GFRAL: variants seen among roughly 807,000 people sequenced by gnomAD.
The protein encoded by GFRAL is GDNF family receptor alpha-like.
GFRAL carries 36 observed loss-of-function variants against 45.4 expected under a neutral mutation model. That is an observed-to-expected ratio of 0.79 (90% CI 0.61 to 1.05). The LOEUF is 1.05. Ranked by LOEUF, GFRAL falls within the 50% of genes least tolerant of loss-of-function variation. GFRAL has a pLI of 0.00. For synonymous variants in GFRAL, 166 were observed against 154.1 expected, an observed-to-expected ratio of 1.08 and a Z score of -0.57; for missense variants, 507 against 467.5, an observed-to-expected ratio of 1.08 and a Z score of -0.78.
rs181371748 is a variant in GFRAL at position 55,340,151 on chromosome 6, T to C, written c.316+6207T>C. ...CAAAGAATTATAAAGAAATTGATAA[T>C]TTAAATATGAGAAAGAACATGATAA... On this transcript the variant is annotated intron_variant, in intron 3 of 8. Transcript: ENST00000340465. 2.2e-4 allele frequency among the ~76,000 whole-genome samples: 34 copies of C among 152,294 alleles called. 1 individual carries two copies. In the East Asian group the frequency reaches 5.6e-3, roughly 25 times the overall value.
chr6:55,384,674 G>T (rs1490661708), intron 6 of GFRAL, among the ~76,000 whole-genome samples: 1 of 151,980 alleles, frequency 6.6e-6, no homozygotes, highest in Non-Finnish European at 1.5e-5. Flanking sequence ...GAGATCAGCT[G>T]GATAAGGTTA....
intron 6 of GFRAL, among the ~76,000 whole-genome samples, chr6:55,370,851 T>C (rs1768441151): frequency 1.3e-5 from 2 of 152,204 alleles, no homozygotes; most frequent in Admixed American, 1.3e-4. Flanking sequence ...GTTTTTGAAA[T>C]TCAATGAAAT....
rs1768905204 is a variant in GFRAL, at chr6:55,401,944, C to T, written c.*91C>T. On this transcript the variant is annotated 3_prime_UTR_variant, in exon 9 of 9. Transcript: ENST00000340465. ...TCTCTCCTCTCCTCTCCTCTCTTCT[C>T]CTCTCCTCCCCTCCCCTCTCTGTTT... The T allele has an allele frequency of 1.4e-6, 1 of 702,896 alleles. No homozygotes were observed. The allele number at this position is 702,896 out of a possible 1,614,324, so 43.5% of individuals were successfully genotyped here. A position where few individuals can be genotyped will look rare whatever the true frequency, so the allele number is the denominator to read the frequency against.
At chr6:55,332,963 C>T (rs1177043476) in intron 2 of GFRAL, among the ~76,000 whole-genome samples, 1 of 151,904 alleles carries the variant, frequency 6.6e-6, no homozygotes, top group Non-Finnish European at 1.5e-5. Flanking sequence ...ACAGTATAAT[C>T]TATCTACAGT....
In GFRAL at chr6:55,358,982, G is replaced by A. The variant is rs1267238979; in HGVS notation, c.796G>A (p.Asp266Asn). 4 of 1,613,100 alleles carry A rather than the reference G, an allele frequency of 2.5e-6. No homozygotes were observed. The highest frequency in any genetic ancestry group is 3.4e-6 in the Non-Finnish European group (4 of 1,179,410). ...ENCISTLSKQ[D>N]LTCSGSDDCK... Reference sequence around the variant, plus strand: ...TTGCATTAGCACCTTAAGCAAACAGGACCTCACTTGTTCAGGAAGTGATGA... The same window carrying A: ...TTGCATTAGCACCTTAAGCAAACAGAACCTCACTTGTTCAGGAAGTGATGA... The change falls in exon 6 of 9, where the codon GAC becomes AAC. Residue 266 changes from aspartate (D) to asparagine (N), a missense_variant. By Grantham distance (23) the Asp-to-Asn change is conservative. Coordinates refer to ENST00000340465, the MANE Select transcript of GFRAL (RefSeq NM_207410.2).
intron 6 of GFRAL, among the ~76,000 whole-genome samples, chr6:55,370,873 C>T (rs1356742803): frequency 6.6e-6 from 1 of 152,166 alleles, no homozygotes; most frequent in African/African-American, 2.4e-5. Context: ...ATAAAGCACA[C>T]AAGAGGTGGC....
intron 3 of GFRAL, 148 bp from the exon 4 acceptor site, chr6:55,349,944 T>C: frequency 1.6e-6 from 1 of 638,810 alleles, no homozygotes; most frequent in Non-Finnish European, 2.8e-6. Context: ...ATTTTGAATA[T>C]CAAGGGCTAA....
intron 3 of GFRAL, among the ~76,000 whole-genome samples, chr6:55,347,508 A>T (rs1212465845): frequency 6.6e-6 from 1 of 152,134 alleles, no homozygotes; most frequent in East Asian, 1.9e-4. Flanking sequence ...GTCGATGCTG[A>T]ATATCAGGGC....
intron 6 of GFRAL, among the ~76,000 whole-genome samples, chr6:55,396,641 G>C (rs1768828981): frequency 6.6e-6 from 1 of 151,480 alleles, no homozygotes; most frequent in Non-Finnish European, 1.5e-5. Context: ...CAATTTTATT[G>C]TGATCATTTA....
intron 6 of GFRAL, among the ~76,000 whole-genome samples, chr6:55,371,092 TC>T (rs1407110626): frequency 5.3e-5 from 8 of 152,198 alleles, no homozygotes; most frequent in Admixed American, 3.9e-4. Flanking sequence ...TATATTTTTT[TC>T]TTTCCTGTCT....
At chr6:55,385,458 G>T (rs1447301776) in intron 6 of GFRAL, among the ~76,000 whole-genome samples, 1 of 151,954 alleles carries the variant, frequency 6.6e-6, no homozygotes, top group Non-Finnish European at 1.5e-5. Context: ...ATTTTATGTG[G>T]CTTAACTAAT....
chr6:55,385,401 G>A (rs1010098513), intron 6 of GFRAL, among the ~76,000 whole-genome samples: 2 of 152,042 alleles, frequency 1.3e-5, no homozygotes, highest in African/African-American at 4.8e-5. Context: ...GTTTGCTCGA[G>A]CTGCTGAGAC....
At chr6:55,327,700 T>C (rs528561480) in intron 1 of GFRAL, 124 bp downstream of exon 1, 1 of 869,064 alleles carries the variant, frequency 1.2e-6, no homozygotes, top group East Asian at 2.5e-5. Flanking sequence ...AATTACAAAT[T>C]TATGCTTTAA....
At chr6:55,367,851 C>T (rs942745036) in intron 6 of GFRAL, among the ~76,000 whole-genome samples, 4 of 151,948 alleles carry the variant, frequency 2.6e-5, no homozygotes, top group Non-Finnish European at 4.4e-5. Context: ...GTAACCCGAC[C>T]TTTCTCTCTG....
Position 55,351,393 on chromosome 6 carries a change from A to G in GFRAL, c.511A>G (p.Ile171Val), listed in dbSNP as rs749777799. The G allele has an allele frequency of 1.9e-6, 3 of 1,613,754 alleles. No individual in the cohort carries two copies. Among genetic ancestry groups the G allele is most frequent in the Non-Finnish European group, 2.5e-6 (3 of 1,179,794 alleles). The change falls in exon 5 of 9, where the codon ATA (isoleucine) becomes GTA (valine). Residue 171 changes from isoleucine to valine, a missense_variant. Ile to Val is a conservative substitution (Grantham distance 29, BLOSUM62 3). Transcript: ENST00000340465. ...PCDLKQCQAA[I>V]RFFYQNIPFN... ...TGATCTGAAACAGTGCCAAGCAGCC[A>G]TACGGTTCTTCTATCAAAATATACC...
intron 3 of GFRAL, among the ~76,000 whole-genome samples, chr6:55,349,387 C>T (rs1768085703): frequency 6.6e-6 from 1 of 151,666 alleles, no homozygotes; most frequent in South Asian, 2.1e-4. Context: ...CATCTGATTC[C>T]CCTGCCACTT....
chr6:55,373,943 T>C (rs72972883), intron 6 of GFRAL, among the ~76,000 whole-genome samples: 17,040 of 152,088 alleles, frequency 0.11, 1,047 homozygotes, highest in African/African-American at 0.16. Flanking sequence ...TTGTTCCCAC[T>C]GTGTGTCCAT....
At chr6:55,350,560 T>G (rs138791671) in intron 4 of GFRAL, among the ~76,000 whole-genome samples, 2,014 of 150,642 alleles carry the variant, frequency 0.013, 25 homozygotes, top group Non-Finnish European at 0.022. Context: ...ACTTAGCGGG[T>G]CATGTAGGCT....
chr6:55,391,565 A>G (rs1768754251), intron 6 of GFRAL, among the ~76,000 whole-genome samples: 1 of 152,184 alleles, frequency 6.6e-6, no homozygotes, highest in African/African-American at 2.4e-5. Flanking sequence ...AGCCTGGGCA[A>G]TAATAGCAAG....
Sources: allele counts gnomAD v4.1 joint callset (sites outside exome capture counted in the v4.1 genomes callset), GRCh38; gene constraint gnomAD v4.1.1; transcripts MANE v1.5; gene names NCBI Gene and HGNC (gene_info 2026-07-23, HGNC 2026-07-21).